The following IL12A variants were observed in gnomAD, a reference collection of about 807,000 sequenced individuals.
The protein encoded by IL12A is interleukin-12 subunit alpha.
Under a neutral mutation model 23.5 loss-of-function variants are expected in IL12A, and 16 were observed. The ratio of observed to expected loss-of-function variants is 0.68; its 90% CI spans 0.46 to 1.03. IL12A has a LOEUF of 1.03. Among genes scored for constraint, IL12A ranks in the 50% least tolerant of loss-of-function variants. IL12A has a pLI of 0.00. For missense variants in IL12A, 275 were observed against 307.0 expected (o/e 0.90, Z 0.78); for synonymous variants, 106 against 111.5 (o/e 0.95, Z 0.31).
At position 159,995,658 on chromosome 3, in the gene IL12A, G is replaced by A; in HGVS notation, c.*99G>A. On this transcript the variant is annotated 3_prime_UTR_variant, in exon 7 of 7. Transcript: ENST00000305579. ...TAAGAACTAGGGAGGGGGAAAGAAG[G>A]ATGGGACTATTACATCCACATGATA... The A allele has an allele frequency of 1.2e-6, 1 of 823,480 alleles. No homozygotes were observed. The highest frequency in any genetic ancestry group is 2.8e-5 in the Admixed American group (1 of 35,970). 51.0% of individuals were successfully genotyped at this position (823,480 alleles called of 1,614,324 possible).
rs1720483022 is a variant in IL12A at position 159,995,678 on chromosome 3, A to G, written c.*119A>G. 3.2e-6 allele frequency: 2 copies of G among 627,488 alleles called. No homozygotes were observed. Among genetic ancestry groups the G allele is most frequent in the Non-Finnish European group, 5.3e-6 (2 of 379,650 alleles). 38.9% of individuals were successfully genotyped at this position (627,488 alleles called of 1,614,324 possible). ...AGAAGGATGGGACTATTACATCCAC[A>G]TGATACCTCTGATCAAGTATTTTTG... On this transcript the variant is annotated 3_prime_UTR_variant, in exon 7 of 7. Coordinates refer to ENST00000305579, the MANE Select transcript of IL12A (RefSeq NM_000882.4).
At position 159,995,670 on chromosome 3, in the gene IL12A, A is replaced by AGT; in HGVS notation, c.*111_*112insGT. 1 of 700,316 alleles carries AGT rather than the reference A, an allele frequency of 1.4e-6. No individual in the cohort carries two copies. The highest frequency in any genetic ancestry group is 2.3e-6 in the Non-Finnish European group (1 of 433,220). The allele number at this position is 700,316 out of a possible 1,614,324, so 43.4% of individuals were successfully genotyped here. On this transcript the variant is annotated 3_prime_UTR_variant, in exon 7 of 7. Transcript: ENST00000305579. ...AGGGGGAAAGAAGGATGGGACTATT[A>AGT]CATCCACATGATACCTCTGATCAAG...
chr3:159,990,033 A>C, intron 1 of IL12A, 134 bp from the exon 2 acceptor site: 2 of 823,586 alleles, frequency 2.4e-6, no homozygotes, highest in South Asian at 3.4e-5. Context: ...TGTTGAAGGA[A>C]AAGTGTTGGA....
In IL12A at chr3:159,988,979, G is replaced by A; in HGVS notation, c.-78G>A. 8.4e-7 allele frequency: 1 copy of A among 1,195,796 alleles called. No homozygotes were observed. Among genetic ancestry groups the A allele is most frequent in the South Asian group, 1.2e-5 (1 of 82,418 alleles). 74.1% of individuals were successfully genotyped at this position (1,195,796 alleles called of 1,614,324 possible). On this transcript the variant is annotated 5_prime_UTR_variant, in exon 1 of 7. Transcript: ENST00000305579. ...CGTGTCACCGAGAAGCTGATGTAGA[G>A]AGAGACACAGAAGGAGACAGAAAGC...
rs1038009451 is a variant in IL12A, at chr3:159,995,501, C to G, written c.704C>G (p.Ala235Gly). Residue 235 changes from alanine to glycine, a missense_variant, in exon 7 of 7, where the codon GCT (alanine) becomes GGT (glycine). Transcript: ENST00000305579. ...ATCAAGCTCTGCATACTTCTTCATG[C>G]TTTCAGAATTCGGGCAGTGACTATT... The G allele has an allele frequency of 3.1e-6, 5 of 1,609,758 alleles. No homozygotes were observed. Among genetic ancestry groups the G allele is most frequent in the Non-Finnish European group, 4.2e-6 (5 of 1,178,374 alleles).
At chr3:159,992,449 A>G (rs1399202943) in intron 2 of IL12A, among the ~76,000 whole-genome samples, 3 of 152,218 alleles carry the variant, frequency 2.0e-5, no homozygotes, top group South Asian at 4.1e-4. Context: ...CTTCAATCAT[A>G]CAGTCCTTTA....
At chr3:159,995,275 T>A (rs2108048847) in intron 6 of IL12A, 129 bp from the exon 7 acceptor site, 3 of 567,140 alleles carry the variant, frequency 5.3e-6, no homozygotes, top group Non-Finnish European at 8.8e-6. Flanking sequence ...AGATTTGGAT[T>A]GGGTTTAGGA....
chr3:159,993,016 G>A lies in IL12A; in HGVS notation c.269G>A (p.Arg90Lys). Residue 90 changes from arginine to lysine, a missense_variant, in exon 3 of 7, where the codon AGA (arginine) becomes AAA (lysine). Arg to Lys is a conservative substitution (Grantham distance 26). Coordinates refer to ENST00000305579, the MANE Select transcript of IL12A (RefSeq NM_000882.4). ...TTTCTCCTTCATTTTTTATAGGCCA[G>A]ACAAACTCTAGAATTTTACCCTTGC... is the stretch of plus-strand genomic sequence containing the variant. 6.3e-7 allele frequency: 1 copy of A among 1,575,452 alleles called. No homozygotes were observed. The highest frequency in any genetic ancestry group is 8.7e-7 in the Non-Finnish European group (1 of 1,145,760).
In IL12A at chr3:159,989,006, A is replaced by C; in HGVS notation, c.-51A>C. ...GAGACACAGAAGGAGACAGAAAGCA[A>C]GAGACCAGAGTCCCGGGAAAGTCCT... On this transcript the variant is annotated 5_prime_UTR_variant, in exon 1 of 7. Transcript: ENST00000305579. 7 of 1,398,848 alleles carry C rather than the reference A, an allele frequency of 5.0e-6. No homozygotes were observed. Among genetic ancestry groups the C allele is most frequent in the Non-Finnish European group, 7.1e-6 (7 of 984,522 alleles). 86.7% of individuals were successfully genotyped at this position (1,398,848 alleles called of 1,614,324 possible).
chr3:159,995,222 G>A (rs192055227), intron 6 of IL12A, among the ~76,000 whole-genome samples, 182 bp from the exon 7 acceptor site: 2 of 152,330 alleles, frequency 1.3e-5, no homozygotes, highest in African/African-American at 4.8e-5. Flanking sequence ...CTTGGAAAAT[G>A]AGTATTTCTT....
Position 159,993,440 on chromosome 3 carries a change from T to C in IL12A, c.379-11T>C. On this transcript the variant is annotated splice_polypyrimidine_tract_variant and intron_variant, in intron 3 of 6. Coordinates refer to ENST00000305579, the MANE Select transcript of IL12A (RefSeq NM_000882.4). ...GAATTAATACTTTGATATATGATTTTTTCCCTCTAGAATGAGAGTTGCCTA... is the reference window on the plus strand; with the variant it reads ...GAATTAATACTTTGATATATGATTTCTTCCCTCTAGAATGAGAGTTGCCTA... 1 of 1,600,770 alleles carries C rather than the reference T, an allele frequency of 6.2e-7. No homozygotes were observed.
At chr3:159,994,297 C>A in intron 6 of IL12A, 1 of 155,994 alleles carries the variant, frequency 6.4e-6, no homozygotes, top group Non-Finnish European at 1.4e-5. Flanking sequence ...TGCATATCTG[C>A]AAATATTGCT....
rs1282966733 is a variant in IL12A, at chr3:159,993,964, A to G, written c.606+120A>G. On this transcript the variant is annotated intron_variant, in intron 6 of 6. Coordinates refer to ENST00000305579, the MANE Select transcript of IL12A (RefSeq NM_000882.4). ...CCTTTTAAAGGCCTGACAGACCTAC[A>G]TTTTCAAGAAGACAGCCTTGAGGGT... 5 of 955,168 alleles carry G rather than the reference A, an allele frequency of 5.2e-6. No individual in the cohort carries two copies. The East Asian group carries it at 7.2e-5, about 14-fold the overall frequency. The allele number at this position is 955,168 out of a possible 1,614,324, so 59.2% of individuals were successfully genotyped here. A position where few individuals can be genotyped will look rare whatever the true frequency, so the allele number is the denominator to read the frequency against.
chr3:159,992,122 C>T (rs1467103233), intron 2 of IL12A, among the ~76,000 whole-genome samples: 1 of 152,206 alleles, frequency 6.6e-6, no homozygotes, highest in Non-Finnish European at 1.5e-5. Context: ...TCTGAATTTT[C>T]AGGCCTTGCT....
chr3:159,989,677 G>C (rs1390112715), intron 1 of IL12A, among the ~76,000 whole-genome samples: 5 of 152,088 alleles, frequency 3.3e-5, no homozygotes, highest in Non-Finnish European at 7.3e-5. Flanking sequence ...CATCTACTCG[G>C]GAGTCTAAGG....
chr3:159,989,281 C>A, intron 1 of IL12A, 107 bp downstream of exon 1: 1 of 811,782 alleles, frequency 1.2e-6, no homozygotes. Flanking sequence ...ACTGGAACAG[C>A]AGCAGCCGTC....
intron 2 of IL12A, among the ~76,000 whole-genome samples, chr3:159,990,774 G>A (rs1050304885): frequency 3.9e-5 from 6 of 152,136 alleles, no homozygotes; most frequent in Non-Finnish European, 5.9e-5. Context: ...TTCCTTCTTG[G>A]AGCAACACAT....
intron 1 of IL12A, 162 bp downstream of exon 1, chr3:159,989,336 T>C (rs1237017376): frequency 1.3e-5 from 8 of 623,470 alleles, no homozygotes; most frequent in Non-Finnish European, 2.3e-5. Flanking sequence ...GTGTGCTAAA[T>C]AGGGCATGTC....
intron 2 of IL12A, among the ~76,000 whole-genome samples, chr3:159,991,243 C>A (rs1474315224): frequency 2.0e-5 from 3 of 151,982 alleles, no homozygotes; most frequent in African/African-American, 7.3e-5. Flanking sequence ...AAGCTGACAC[C>A]CCTACTCCCA....
Sources: gnomAD v4.1 joint callset for allele counts (sites outside exome capture counted in the v4.1 genomes callset) on GRCh38, gnomAD v4.1.1 for gene constraint, MANE v1.5 for transcripts, NCBI Gene and HGNC (gene_info 2026-07-23, HGNC 2026-07-21) for gene names.